Variants in CPQ observed in about 807,000 individuals in gnomAD.
CPQ encodes carboxypeptidase Q.
In CPQ, 37 loss-of-function variants were observed where a neutral mutation model predicts 45.7. That is an observed-to-expected ratio of 0.81 (90% CI 0.62 to 1.07). The LOEUF is 1.07. CPQ is among the 50% of genes least tolerant of loss of function. The pLI, the probability that CPQ is intolerant of heterozygous loss-of-function variation, is 0.00. For missense variants in CPQ, 537 were observed against 572.9 expected (o/e 0.94, Z 0.64); for synonymous variants, 186 against 205.8 (o/e 0.90, Z 0.82).
At chr8:96,734,794 G>C (rs973174193) in intron 1 of CPQ, among the ~76,000 whole-genome samples, 1 of 151,838 alleles carries the variant, frequency 6.6e-6, no homozygotes, top group African/African-American at 2.4e-5. Context: ...AACTTCCCAG[G>C]CTTTTATACT....
At chr8:97,139,138 G>T (rs1461813227) in intron 7 of CPQ, among the ~76,000 whole-genome samples, 1 of 152,072 alleles carries the variant, frequency 6.6e-6, no homozygotes, top group Non-Finnish European at 1.5e-5. Context: ...TTAATTATTA[G>T]GAAAAACTGG....
intron 1 of CPQ, chr8:96,761,449 G>A (rs1586390267): frequency 6.6e-6 from 1 of 152,374 alleles, no homozygotes; most frequent in South Asian, 2.1e-4. Flanking sequence ...CCTCTGTAGG[G>A]TCTACAAGGT....
chr8:97,126,769 A>T (rs1453358424), intron 7 of CPQ, among the ~76,000 whole-genome samples: 2 of 152,086 alleles, frequency 1.3e-5, no homozygotes, highest in Admixed American at 1.3e-4. Context: ...TTGAGGACTT[A>T]CTCTGATTTC....
At chr8:97,131,660 C>T (rs1451109956) in intron 7 of CPQ, among the ~76,000 whole-genome samples, 2 of 152,254 alleles carry the variant, frequency 1.3e-5, no homozygotes, top group East Asian at 1.9e-4. Context: ...TTGACATCAC[C>T]CCTAAAATTG....
chr8:97,043,091 A>T (rs1310717374), intron 6 of CPQ, among the ~76,000 whole-genome samples: 1 of 151,962 alleles, frequency 6.6e-6, no homozygotes, highest in African/African-American at 2.4e-5. Context: ...TGGGGTGTTA[A>T]AGTCTCCCAT....
chr8:96,965,824 G>T, intron 4 of CPQ, 111 bp from the exon 5 acceptor site: 6 of 652,166 alleles, frequency 9.2e-6, no homozygotes, highest in Non-Finnish European at 1.2e-5. Flanking sequence ...CATAAAAATA[G>T]GAAAGAAAAT....
At chr8:96,921,912 G>A (rs188563600) in intron 4 of CPQ, among the ~76,000 whole-genome samples, 1 of 152,034 alleles carries the variant, frequency 6.6e-6, no homozygotes, top group Admixed American at 6.6e-5. Context: ...GAATAGATGA[G>A]GTGGGGGGAC....
intron 6 of CPQ, among the ~76,000 whole-genome samples, chr8:97,060,846 T>C (rs1810538526): frequency 6.6e-6 from 1 of 152,166 alleles, no homozygotes; most frequent in Admixed American, 6.6e-5. Flanking sequence ...AGGATGTTCG[T>C]GACAATATAT....
At chr8:97,031,705 G>C (rs1809910693) in intron 6 of CPQ, among the ~76,000 whole-genome samples, 1 of 152,198 alleles carries the variant, frequency 6.6e-6, no homozygotes, top group African/African-American at 2.4e-5. Context: ...CAAAGGACAT[G>C]CAATCACATA....
intron 3 of CPQ, among the ~76,000 whole-genome samples, chr8:96,850,424 C>T (rs1250913743): frequency 2.0e-5 from 3 of 152,148 alleles, no homozygotes; most frequent in African/African-American, 4.8e-5. Flanking sequence ...ATTGCTTATG[C>T]ACCTCAAGTC....
intron 2 of CPQ, among the ~76,000 whole-genome samples, chr8:96,793,693 C>T (rs927742408): frequency 2.2e-4 from 34 of 152,144 alleles, no homozygotes; most frequent in African/African-American, 7.0e-4. Flanking sequence ...AAGTCTCATC[C>T]GAGACAAGGC....
At chr8:97,029,671 C>T (rs1032180735) in intron 6 of CPQ, among the ~76,000 whole-genome samples, 177 bp downstream of exon 6, 4 of 152,200 alleles carry the variant, frequency 2.6e-5, no homozygotes, top group Non-Finnish European at 5.9e-5. Context: ...ACCAATGATG[C>T]TGTGGTGTAG....
chr8:96,795,701 C>G (rs1350225109), intron 2 of CPQ, among the ~76,000 whole-genome samples: 1 of 151,868 alleles, frequency 6.6e-6, no homozygotes, highest in Admixed American at 6.6e-5. Context: ...TTATTGGAAA[C>G]TAGATTATTT....
intron 4 of CPQ, among the ~76,000 whole-genome samples, chr8:96,892,297 A>G (rs1321075582): frequency 6.6e-6 from 1 of 152,254 alleles, no homozygotes; most frequent in Non-Finnish European, 1.5e-5. Context: ...CTGAATAGTT[A>G]GAGACTGTAC....
chr8:96,939,854 C>G (rs1400599029), intron 4 of CPQ, among the ~76,000 whole-genome samples: 1 of 152,110 alleles, frequency 6.6e-6, no homozygotes, highest in Admixed American at 6.5e-5. Context: ...TTCTGGGTCA[C>G]GAGGTTTACA....
At chr8:97,044,286 G>C (rs1354661932) in intron 6 of CPQ, among the ~76,000 whole-genome samples, 1 of 152,242 alleles carries the variant, frequency 6.6e-6, no homozygotes, top group East Asian at 1.9e-4. Context: ...CGGCTCCTGA[G>C]GCTTCTGCAT....
chr8:96,769,008 G>A (rs1050516474), intron 1 of CPQ, among the ~76,000 whole-genome samples: 1 of 152,158 alleles, frequency 6.6e-6, no homozygotes, highest in Non-Finnish European at 1.5e-5. Flanking sequence ...TTGCTGCATA[G>A]TAATTAAATC....
chr8:96,656,770 C>G (rs1434059955), intron 1 of CPQ, among the ~76,000 whole-genome samples: 1 of 152,182 alleles, frequency 6.6e-6, no homozygotes, highest in Non-Finnish European at 1.5e-5. Context: ...GTGAACTTGG[C>G]TTTGCAAGTG....
chr8:96,708,736 T>C (rs1339948670), intron 1 of CPQ, among the ~76,000 whole-genome samples: 1 of 152,108 alleles, frequency 6.6e-6, no homozygotes, highest in African/African-American at 2.4e-5. Context: ...ACCTAGCCTT[T>C]ACAATCACCA....
Sources: gnomAD v4.1 joint callset for allele counts (sites outside exome capture counted in the v4.1 genomes callset) on GRCh38, gnomAD v4.1.1 for gene constraint, MANE v1.5 for transcripts, NCBI Gene and HGNC (gene_info 2026-07-23, HGNC 2026-07-21) for gene names.